The following C2CD5 variants were observed in gnomAD, a reference collection of about 807,000 sequenced individuals.
C2CD5 encodes C2 calcium dependent domain containing 5.
C2CD5 carries 109 observed loss-of-function variants against 130.3 expected under a neutral mutation model. That is an observed-to-expected ratio of 0.84 (90% CI 0.72 to 0.98). The LOEUF (loss-of-function observed/expected upper bound fraction) is 0.98, where lower values mean the gene tolerates loss of function less well. Ranked by LOEUF, C2CD5 falls within the 50% of genes least tolerant of loss-of-function variation. C2CD5 has a pLI of 0.00. For synonymous variants in C2CD5, 454 were observed against 429.2 expected, an observed-to-expected ratio of 1.06 and a Z score of -0.71; for missense variants, 996 against 1,261.8, an observed-to-expected ratio of 0.79 and a Z score of 3.19.
intron 4 of C2CD5, among the ~76,000 whole-genome samples, chr12:22,527,039 TGTGCCTGCAATCGCAACTGCCCG>T (rs2137080530): frequency 6.6e-6 from 1 of 152,320 alleles, no homozygotes; most frequent in East Asian, 1.9e-4. Flanking sequence ...TGCAATGGCA[TGTGCCTGCAATCGCAACTGCCCG>T]GGAGGCCCTG....
chr12:22,510,437 T>A (rs1055292590), intron 9 of C2CD5, among the ~76,000 whole-genome samples: 1 of 152,202 alleles, frequency 6.6e-6, no homozygotes. Context: ...ACAGGTTAGT[T>A]GAAAAATCAT....
chr12:22,538,941 C>T (rs1229703324), intron 2 of C2CD5, among the ~76,000 whole-genome samples: 1 of 151,692 alleles, frequency 6.6e-6, no homozygotes, highest in Admixed American at 6.6e-5. Context: ...TATTGTAATC[C>T]TTCATTATCC....
intron 12 of C2CD5, among the ~76,000 whole-genome samples, chr12:22,488,392 T>C (rs1271159622): frequency 1.3e-5 from 2 of 151,862 alleles, no homozygotes; most frequent in Non-Finnish European, 2.9e-5. Context: ...TAAGCAGTAA[T>C]AATTTTTATA....
intron 2 of C2CD5, among the ~76,000 whole-genome samples, chr12:22,536,808 A>C (rs1416939816): frequency 6.6e-6 from 1 of 152,162 alleles, no homozygotes; most frequent in Non-Finnish European, 1.5e-5. Context: ...GAGTGTTTCA[A>C]TCTTTTTTAA....
chr12:22,509,760 A>AT (rs1214683731), intron 9 of C2CD5, among the ~76,000 whole-genome samples: 1 of 152,150 alleles, frequency 6.6e-6, no homozygotes, highest in Middle Eastern at 3.2e-3. Context: ...TATTATCTCC[A>AT]TTTTTTATAT....
intron 8 of C2CD5, among the ~76,000 whole-genome samples, chr12:22,517,022 C>T (rs966678000): frequency 5.3e-5 from 8 of 151,854 alleles, no homozygotes; most frequent in Non-Finnish European, 1.0e-4. Context: ...TTTATAAAAA[C>T]AGAAATTAAA....
At chr12:22,489,587 A>G (rs1313053810) in intron 12 of C2CD5, among the ~76,000 whole-genome samples, 1 of 152,106 alleles carries the variant, frequency 6.6e-6, no homozygotes, top group Non-Finnish European at 1.5e-5. Flanking sequence ...CAAATACTAT[A>G]CCATTTTATA....
At chr12:22,524,894 T>C (rs968081128) in intron 5 of C2CD5, among the ~76,000 whole-genome samples, 1 of 152,202 alleles carries the variant, frequency 6.6e-6, no homozygotes, top group Non-Finnish European at 1.5e-5. Flanking sequence ...AAAACAGCTA[T>C]AGAAGACCTT....
At chr12:22,525,822 T>A (rs1045277660) in intron 4 of C2CD5, 117 bp from the exon 5 acceptor site, 1 of 668,076 alleles carries the variant, frequency 1.5e-6, no homozygotes. Flanking sequence ...ACTCACAATT[T>A]TTTGAACTTT....
At chr12:22,511,265 A>G (rs889373615) in intron 9 of C2CD5, among the ~76,000 whole-genome samples, 1 of 152,168 alleles carries the variant, frequency 6.6e-6, no homozygotes, top group Non-Finnish European at 1.5e-5. Context: ...AAAACATCAT[A>G]TAAGTAGATC....
chr12:22,499,147 T>G (rs931541234), intron 10 of C2CD5, among the ~76,000 whole-genome samples: 2 of 152,176 alleles, frequency 1.3e-5, no homozygotes, highest in Non-Finnish European at 2.9e-5. Flanking sequence ...CAAATAAACT[T>G]GAGTTTCCAA....
At position 22,449,218 on chromosome 12, in the gene C2CD5, C is replaced by T. The variant is rs1938013651; in HGVS notation, c.*542G>A. The T allele has an allele frequency of 6.6e-6, 1 of 152,134 alleles. No individual in the cohort carries two copies. The highest frequency in any genetic ancestry group is 2.4e-5 in the African/African-American group (1 of 41,450). 9.4% of individuals were successfully genotyped at this position (152,134 alleles called of 1,614,324 possible). On this transcript the variant is annotated 3_prime_UTR_variant, in exon 27 of 27. Transcript: ENST00000446597. ...ACAGATACAAGTTCCAGAATTTTAACTTGTTTTCAAAAGATGGCTGAAGCA... is the reference window on the plus strand; with the variant it reads ...ACAGATACAAGTTCCAGAATTTTAATTTGTTTTCAAAAGATGGCTGAAGCA...
intron 11 of C2CD5, among the ~76,000 whole-genome samples, 164 bp downstream of exon 11, chr12:22,493,059 A>G (rs73076633): frequency 0.041 from 6,273 of 152,284 alleles, 166 homozygotes; most frequent in South Asian, 0.11. Flanking sequence ...TTACACAGTC[A>G]CTAACTGGCA....
At chr12:22,511,144 T>C (rs927651586) in intron 9 of C2CD5, among the ~76,000 whole-genome samples, 4 of 148,328 alleles carry the variant, frequency 2.7e-5, no homozygotes, top group East Asian at 3.9e-4. Context: ...GTAAAAGAGA[T>C]TGGGCAAATA....
chr12:22,452,566 TC>T (rs1938909968), intron 26 of C2CD5, among the ~76,000 whole-genome samples: 1 of 152,082 alleles, frequency 6.6e-6, no homozygotes, highest in South Asian at 2.1e-4. Flanking sequence ...TAGCTTCCCT[TC>T]CCCCTCTAAC....
chr12:22,465,356 T>G (rs1176222692), intron 22 of C2CD5, among the ~76,000 whole-genome samples: 3 of 152,178 alleles, frequency 2.0e-5, no homozygotes, highest in African/African-American at 7.2e-5. Flanking sequence ...AAATGATCAG[T>G]GTTTTAATGA....
intron 2 of C2CD5, among the ~76,000 whole-genome samples, chr12:22,538,532 C>G (rs529642767): frequency 6.6e-6 from 1 of 152,274 alleles, no homozygotes; most frequent in African/African-American, 2.4e-5. Flanking sequence ...GGATGCAGAA[C>G]GCTGAGGATT....
At chr12:22,512,820 AC>A (rs1591929252) in intron 9 of C2CD5, 2 of 502,222 alleles carry the variant, frequency 4.0e-6, no homozygotes, top group Non-Finnish European at 6.8e-6. Flanking sequence ...ATACTGAATA[AC>A]CACATTATTT....
chr12:22,472,911 C>A, intron 16 of C2CD5, 104 bp from the exon 17 acceptor site: 1 of 703,420 alleles, frequency 1.4e-6, no homozygotes, highest in Non-Finnish European at 2.5e-6. Context: ...GTCATTTTTC[C>A]TAAGTAAAAA....
Sources: allele counts gnomAD v4.1 joint callset (sites outside exome capture counted in the v4.1 genomes callset), GRCh38; gene constraint gnomAD v4.1.1; transcripts MANE v1.5; gene names NCBI Gene and HGNC (gene_info 2026-07-23, HGNC 2026-07-21).